Variants in EDARADD observed in about 807,000 individuals in gnomAD.
EDARADD encodes the protein ectodysplasin-A receptor-associated adapter protein.
In EDARADD, 20 loss-of-function variants were observed where a neutral mutation model predicts 25.6. The observed-to-expected ratio is 0.78, with a 90% CI of 0.55 to 1.14. EDARADD has a LOEUF of 1.14. EDARADD is among the 50% of genes most tolerant of loss of function. The probability of loss-of-function intolerance (pLI) is 0.00; values close to 1 mark genes in which losing one functional copy is unlikely to be tolerated. For synonymous variants in EDARADD, 86 were observed against 94.4 expected, an observed-to-expected ratio of 0.91 and a Z score of 0.52; for missense variants, 225 against 270.1, an observed-to-expected ratio of 0.83 and a Z score of 1.17.
At chr1:236,441,396 A>G (rs1321991928) in intron 4 of EDARADD, among the ~76,000 whole-genome samples, 1 of 145,066 alleles carries the variant, frequency 6.9e-6, no homozygotes, top group Non-Finnish European at 1.5e-5. Context: ...TATGAGATAT[A>G]TGAGATATAT....
rs1428730923 is a variant in EDARADD, at chr1:236,379,506, C to T, written c.-6+28667C>T. ...TAAAATTCAGGGTCAGGGCCAGGTG[C>T]AATGGCTCACGCTTGTAATCCCAGC... On this transcript the variant is annotated intron_variant, in intron 3 of 7. Transcript: ENST00000439430. Among the ~76,000 whole-genome samples, 4 of 152,040 alleles carry T rather than the reference C, an allele frequency of 2.6e-5. No homozygotes were observed. The South Asian group carries it at 8.3e-4, about 32-fold the overall frequency.
chr1:236,396,009 A>G (rs946392864), intron 1 of EDARADD, among the ~76,000 whole-genome samples: 14 of 152,190 alleles, frequency 9.2e-5, no homozygotes, highest in Non-Finnish European at 1.6e-4. Flanking sequence ...AATGGGCGCA[A>G]GGGGGTGGAT....
chr1:236,349,820 G>A (rs658144), intron 2 of EDARADD, among the ~76,000 whole-genome samples: 52,804 of 151,994 alleles, frequency 0.35, 9,488 homozygotes, highest in African/African-American at 0.44. Context: ...GCAGTGGTGG[G>A]GGAGGGTGGT....
chr1:236,395,025 C>T lies in EDARADD; in HGVS notation c.61+520C>T, dbSNP rs1558108662. 6.6e-6 allele frequency among the ~76,000 whole-genome samples: 1 copy of T among 152,240 alleles called. No homozygotes were observed. The highest frequency in any genetic ancestry group is 1.5e-5 in the Non-Finnish European group (1 of 68,040). ...AATAGAAAGTACCAGCGTGTGCCAT[C>T]ATGCAGCGGCAGAGCCTGCTTAAAG... is the stretch of plus-strand genomic sequence containing the variant. On this transcript the variant is annotated intron_variant, in intron 1 of 5. Transcript: ENST00000334232. This position sits in a 1 kb window ranked among gnomAD's most constrained non-coding sequence, Gnocchi z 6.9.
chr1:236,465,697 A>G (rs72753394), intron 4 of EDARADD, among the ~76,000 whole-genome samples: 10,714 of 152,204 alleles, frequency 0.07, 538 homozygotes, highest in Non-Finnish European at 0.096. Context: ...ATCTTTGTCT[A>G]TGCATTGCAA....
In EDARADD at chr1:236,397,533, C is replaced by T. The variant is rs76959088; in HGVS notation, c.61+3028C>T. On this transcript the variant is annotated intron_variant, in intron 1 of 5. Transcript: ENST00000334232. ...TGGGCAACATGGAACAAAGGGATTT[C>T]AAAATCCCAGGACATGTGGAGGAGT... Among the ~76,000 whole-genome samples the T allele has an allele frequency of 3.5e-3, 535 of 152,196 alleles. 21 individuals are homozygous for T. In the South Asian group the frequency reaches 0.063, roughly 18 times the overall value.
At chr1:236,390,206 G>A (rs1667404943), upstream of EDARADD, among the ~76,000 whole-genome samples, 1 of 152,118 alleles carries the variant, frequency 6.6e-6, no homozygotes, top group Admixed American at 6.5e-5. Flanking sequence ...CCAATATGGT[G>A]CACTGTATTC....
At chr1:236,369,075 T>C (rs1397884369) in intron 3 of EDARADD, among the ~76,000 whole-genome samples, 1 of 152,210 alleles carries the variant, frequency 6.6e-6, no homozygotes, top group African/African-American at 2.4e-5. Flanking sequence ...ATTACAGGTG[T>C]GAGCCACTGT....
At chr1:236,386,149 G>A (rs1409677814) in intron 3 of EDARADD, among the ~76,000 whole-genome samples, 1 of 33,964 alleles carries the variant, frequency 2.9e-5, no homozygotes, top group African/African-American at 8.2e-5. Context: ...CCCTAACCGC[G>A]AGTGATCCGC....
chr1:236,407,622 G>A (rs963089861), intron 1 of EDARADD, among the ~76,000 whole-genome samples: 2 of 152,172 alleles, frequency 1.3e-5, no homozygotes, highest in African/African-American at 4.8e-5. Flanking sequence ...TACTTAATGA[G>A]GATTTGGATC....
In EDARADD at chr1:236,371,871, C is replaced by T. The variant is rs147891370; in HGVS notation, c.-6+21032C>T. Among the ~76,000 whole-genome samples the T allele has an allele frequency of 7.4e-3, 1,127 of 151,840 alleles. 10 individuals carry two copies. Among genetic ancestry groups the T allele is most frequent in the Non-Finnish European group, 0.011 (773 of 67,956 alleles). ...ACAGGCATGAGCCACCGGGCCCAGT[C>T]GTAGATGTTCTTTATGAAGTTGAGG... is the stretch of plus-strand genomic sequence containing the variant. On this transcript the variant is annotated intron_variant, in intron 3 of 7. Coordinates refer to the EDARADD transcript ENST00000439430.
At chr1:236,437,743 CTTTTTTTTTT>C (rs5781886) in intron 4 of EDARADD, among the ~76,000 whole-genome samples, 1 of 88,108 alleles carries the variant, frequency 1.1e-5, no homozygotes, top group Non-Finnish European at 2.5e-5. Flanking sequence ...TTGGTTCCTT[CTTTTTTTTTT>C]TTTTTTTTTT....
intron 1 of EDARADD, among the ~76,000 whole-genome samples, chr1:236,406,234 G>C (rs1395712484): frequency 6.6e-6 from 1 of 152,028 alleles, no homozygotes; most frequent in Non-Finnish European, 1.5e-5. Flanking sequence ...GGGCTATTTT[G>C]TGGTGGCTTC....
chr1:236,449,320 T>G (rs1558128177), intron 4 of EDARADD, among the ~76,000 whole-genome samples: 1 of 152,174 alleles, frequency 6.6e-6, no homozygotes, highest in Non-Finnish European at 1.5e-5. Context: ...AACCCCAACA[T>G]AGGGATTTTG....
chr1:236,362,998 A>ATAT (rs1667068565), intron 3 of EDARADD, among the ~76,000 whole-genome samples: 2 of 58,130 alleles, frequency 3.4e-5, no homozygotes, highest in African/African-American at 1.5e-4. Flanking sequence ...AAAAAAAAAA[A>ATAT]AAAAAAAAAT....
At position 236,432,254 on chromosome 1, in the gene EDARADD, A is replaced by AGTGT. The variant is rs1658115816; in HGVS notation, c.219+4804_219+4805insGTGT. On this transcript the variant is annotated intron_variant, in intron 4 of 5. Transcript: ENST00000334232. ...TACAAAAAATACAAAAATTAACCAC[A>AGTGT]CCTGTGGTCCCATGGTCCCAGCTGC... Among the ~76,000 whole-genome samples the AGTGT allele has an allele frequency of 5.9e-5, 9 of 151,664 alleles. No homozygotes were observed. In the South Asian group the frequency reaches 1.9e-3, roughly 32 times the overall value.
chr1:236,349,673 A>G (rs1666891554), intron 2 of EDARADD, among the ~76,000 whole-genome samples: 2 of 151,404 alleles, frequency 1.3e-5, no homozygotes, highest in South Asian at 4.2e-4. Flanking sequence ...ACCAAGTTTT[A>G]TTGTGTAGAG....
Position 236,408,953 on chromosome 1 carries a change from T to G in EDARADD, c.62-263T>G, listed in dbSNP as rs139833680. Among the ~76,000 whole-genome samples, 6,194 of 151,486 alleles carry G rather than the reference T, an allele frequency of 0.041. 415 individuals are homozygous for G. Among genetic ancestry groups the G allele is most frequent in the African/African-American group, 0.14 (5,807 of 41,236 alleles). On this transcript the variant is annotated intron_variant, in intron 1 of 5. Coordinates refer to ENST00000334232, the MANE Select transcript of EDARADD (RefSeq NM_145861.4). ...TTATTTTTTAGTAGAGACAGGGTTT[T>G]ACCATGTTGACCAGGCTGGTCTCGA...
chr1:236,393,633 A>G (rs1196136935), upstream of EDARADD, among the ~76,000 whole-genome samples: 1 of 151,800 alleles, frequency 6.6e-6, no homozygotes, highest in Non-Finnish European at 1.5e-5. Context: ...CTGACCTCAA[A>G]TAATCCACCT....
Sources: gnomAD v4.1 joint callset for allele counts (sites outside exome capture counted in the v4.1 genomes callset) on GRCh38, gnomAD v4.1.1 for gene constraint, Gnocchi (gnomAD v3.1) non-coding constraint, MANE v1.5 for transcripts, NCBI Gene and HGNC (gene_info 2026-07-23, HGNC 2026-07-21) for gene names.